The following XRCC4 variants were observed in gnomAD, a reference collection of about 807,000 sequenced individuals.
XRCC4 encodes the protein DNA repair protein XRCC4.
Under a neutral mutation model 39.1 loss-of-function variants are expected in XRCC4, and 28 were observed. The observed-to-expected ratio is 0.72, with a 90% CI of 0.53 to 0.98. The LOEUF (loss-of-function observed/expected upper bound fraction) is 0.98, where lower values mean the gene tolerates loss of function less well. Among genes scored for constraint, XRCC4 ranks in the 50% least tolerant of loss-of-function variants. The pLI, the probability that XRCC4 is intolerant of heterozygous loss-of-function variation, is 0.00. For missense variants in XRCC4, 350 were observed against 376.4 expected (o/e 0.93, Z 0.58); for synonymous variants, 123 against 126.4 (o/e 0.97, Z 0.18).
chr5:83,180,630 A>T (rs1479452117), intron 3 of XRCC4, among the ~76,000 whole-genome samples: 1 of 152,130 alleles, frequency 6.6e-6, no homozygotes, highest in African/African-American at 2.4e-5. Context: ...TTATTATTGT[A>T]CATTAGGTTG....
At chr5:83,184,904 C>T (rs189223240) in intron 3 of XRCC4, among the ~76,000 whole-genome samples, 3 of 152,128 alleles carry the variant, frequency 2.0e-5, no homozygotes, top group East Asian at 3.9e-4. Context: ...CAAAACCCTT[C>T]ACCAGTCATC....
intron 6 of XRCC4, among the ~76,000 whole-genome samples, chr5:83,256,747 A>G (rs1753556288): frequency 6.6e-6 from 1 of 152,162 alleles, no homozygotes; most frequent in Admixed American, 6.5e-5. Context: ...AAAGTAAACT[A>G]TGCTTTGATG....
intron 3 of XRCC4, among the ~76,000 whole-genome samples, chr5:83,177,323 A>G (rs1750003229): frequency 1.3e-5 from 2 of 152,228 alleles, no homozygotes; most frequent in African/African-American, 4.8e-5. Flanking sequence ...TAGTTTTAGC[A>G]TAAGCCTTAA....
At chr5:83,208,741 A>C (rs1329050671) in intron 6 of XRCC4, among the ~76,000 whole-genome samples, 2 of 152,102 alleles carry the variant, frequency 1.3e-5, no homozygotes, top group Non-Finnish European at 2.9e-5. Flanking sequence ...TGAAACTTGA[A>C]TATCACAGTC....
chr5:83,095,092 A>G (rs772555840), intron 1 of XRCC4, among the ~76,000 whole-genome samples: 1 of 152,032 alleles, frequency 6.6e-6, no homozygotes, highest in Non-Finnish European at 1.5e-5. Flanking sequence ...TTTACTATTT[A>G]TTCTAGCCTA....
At chr5:83,173,762 A>G (rs1749831526) in intron 3 of XRCC4, among the ~76,000 whole-genome samples, 1 of 152,208 alleles carries the variant, frequency 6.6e-6, no homozygotes, top group South Asian at 2.1e-4. Flanking sequence ...CAACCTAACT[A>G]GGAACTGCCT....
At chr5:83,304,051 T>G in intron 7 of XRCC4, among the ~76,000 whole-genome samples, 1 of 152,152 alleles carries the variant, frequency 6.6e-6, no homozygotes, top group South Asian at 2.1e-4. Flanking sequence ...ATAAGTAAAT[T>G]TTTTAATAAT....
chr5:83,079,625 C>T (rs1744843121), intron 1 of XRCC4, among the ~76,000 whole-genome samples: 1 of 152,078 alleles, frequency 6.6e-6, no homozygotes, highest in Non-Finnish European at 1.5e-5. Context: ...ACCTCCAGGG[C>T]AGAAGCGATC....
chr5:83,083,593 G>T (rs972961420), intron 1 of XRCC4, among the ~76,000 whole-genome samples: 1 of 151,948 alleles, frequency 6.6e-6, no homozygotes. Flanking sequence ...GGCCAGACTG[G>T]TCTCGAACTC....
At chr5:83,100,429 G>A (rs531744222) in intron 1 of XRCC4, among the ~76,000 whole-genome samples, 1 of 152,010 alleles carries the variant, frequency 6.6e-6, no homozygotes, top group East Asian at 1.9e-4. Flanking sequence ...AAGGCATCTG[G>A]AATATTGAAT....
At chr5:83,331,974 G>A (rs1184842214) in intron 7 of XRCC4, among the ~76,000 whole-genome samples, 1 of 152,050 alleles carries the variant, frequency 6.6e-6, no homozygotes, top group East Asian at 1.9e-4. Flanking sequence ...GAGTGAACCT[G>A]TTACTAATAA....
intron 6 of XRCC4, among the ~76,000 whole-genome samples, chr5:83,234,731 T>C (rs886366238): frequency 6.6e-6 from 1 of 152,080 alleles, no homozygotes; most frequent in African/African-American, 2.4e-5. Flanking sequence ...CTTGTTTATA[T>C]TGCTAAGGGA....
chr5:83,361,297 C>T, the XRCC4 span, among the ~76,000 whole-genome samples: 1 of 152,136 alleles, frequency 6.6e-6, no homozygotes, highest in Non-Finnish European at 1.5e-5. Flanking sequence ...TTTCAAACAC[C>T]CTATCCTTGG....
chr5:83,300,737 C>A (rs1755254410), intron 7 of XRCC4, among the ~76,000 whole-genome samples: 1 of 151,832 alleles, frequency 6.6e-6, no homozygotes, highest in Non-Finnish European at 1.5e-5. Context: ...TCTTGCCCCC[C>A]ACCCCCCAAC....
intron 3 of XRCC4, among the ~76,000 whole-genome samples, chr5:83,156,476 A>G (rs1350173287): frequency 6.6e-6 from 1 of 152,104 alleles, no homozygotes; most frequent in Non-Finnish European, 1.5e-5. Flanking sequence ...TGACAAAGAA[A>G]AAAGGACATT....
intron 6 of XRCC4, among the ~76,000 whole-genome samples, chr5:83,228,027 T>G (rs1016809884): frequency 6.6e-6 from 1 of 152,012 alleles, no homozygotes; most frequent in East Asian, 1.9e-4. Context: ...TGGCTAGACT[T>G]GGAAAAAAGT....
intron 3 of XRCC4, among the ~76,000 whole-genome samples, chr5:83,113,207 G>A (rs886841075): frequency 2.0e-5 from 3 of 152,216 alleles, no homozygotes; most frequent in Admixed American, 1.3e-4. Flanking sequence ...CAGGCGCCAT[G>A]CAAGTTCGAA....
At chr5:83,080,997 C>T (rs748783786) in intron 1 of XRCC4, among the ~76,000 whole-genome samples, 11 of 152,112 alleles carry the variant, frequency 7.2e-5, no homozygotes, top group Non-Finnish European at 1.5e-5. Flanking sequence ...AACTTATAGC[C>T]ATAGTGCATT....
At chr5:83,080,386 C>T (rs1197570299) in intron 1 of XRCC4, among the ~76,000 whole-genome samples, 3 of 151,992 alleles carry the variant, frequency 2.0e-5, no homozygotes, top group East Asian at 1.9e-4. Flanking sequence ...ATTAGCCAGG[C>T]GTGGTGGCAT....
Sources: allele counts gnomAD v4.1 joint callset (sites outside exome capture counted in the v4.1 genomes callset), GRCh38; gene constraint gnomAD v4.1.1; transcripts MANE v1.5; gene names NCBI Gene and HGNC (gene_info 2026-07-23, HGNC 2026-07-21).